The following ABCC11 variants were observed in gnomAD, a reference collection of about 807,000 sequenced individuals.
ABCC11 encodes the protein ATP binding cassette subfamily C member 11, also known as ATP-binding cassette sub-family C member 11.
In ABCC11, 135 loss-of-function variants were observed where a neutral mutation model predicts 149.3. The ratio of observed to expected loss-of-function variants is 0.90; its 90% CI spans 0.79 to 1.04. The LOEUF (loss-of-function observed/expected upper bound fraction) is 1.04, where lower values mean the gene tolerates loss of function less well. ABCC11 is among the 50% of genes least tolerant of loss of function. The probability of loss-of-function intolerance (pLI) is 0.00; values close to 1 mark genes in which losing one functional copy is unlikely to be tolerated. For synonymous variants in ABCC11, 665 were observed against 671.4 expected, an observed-to-expected ratio of 0.99 and a Z score of 0.15; for missense variants, 1,680 against 1,722.1, an observed-to-expected ratio of 0.98 and a Z score of 0.43.
Position 48,243,138 on chromosome 16 carries a change from G to C in ABCC11, c.-19+4176C>G, listed in dbSNP as rs1178832303. ...AAAATTGGACGGGCGCAGTGGCTCA[G>C]GCCTGTAATCCCAGCACTTTTGGGA... On this transcript the variant is annotated intron_variant, in intron 1 of 29. Transcript: ENST00000356608. Among the ~76,000 whole-genome samples the C allele has an allele frequency of 4.0e-5, 6 of 151,642 alleles. No homozygotes were observed. The South Asian group carries it at 1.3e-3, about 32-fold the overall frequency.
intron 18 of ABCC11, among the ~76,000 whole-genome samples, chr16:48,194,468 T>C (rs1967207791): frequency 6.6e-6 from 1 of 152,242 alleles, no homozygotes; most frequent in Non-Finnish European, 1.5e-5. Context: ...GTATGCATTA[T>C]TTCTGAATTA....
At chr16:48,193,825 C>G (rs1967134456) in intron 19 of ABCC11, 54 bp downstream of exon 19, 2 of 1,458,340 alleles carry the variant, frequency 1.4e-6, no homozygotes, top group Non-Finnish European at 1.9e-6. Flanking sequence ...CAAGAAGTCA[C>G]CCCACCTCAC....
At chr16:48,188,651 T>C (rs1966845081) in intron 20 of ABCC11, among the ~76,000 whole-genome samples, 2 of 152,188 alleles carry the variant, frequency 1.3e-5, no homozygotes, top group Admixed American at 6.5e-5. Flanking sequence ...AAACTGAAGA[T>C]TGCAGAAGAG....
intron 26 of ABCC11, 101 bp from the exon 27 acceptor site, chr16:48,171,068 A>T (rs1567471941): frequency 2.8e-6 from 3 of 1,085,394 alleles, no homozygotes; most frequent in Non-Finnish European, 4.2e-6. Flanking sequence ...GAACTGGATT[A>T]TGGGGTTTAG....
intron 22 of ABCC11, among the ~76,000 whole-genome samples, chr16:48,185,272 TAA>T (rs1370045220): frequency 6.6e-6 from 1 of 152,240 alleles, no homozygotes; most frequent in East Asian, 1.9e-4. Flanking sequence ...ACCAAGAAAT[TAA>T]AAAGTTTATT....
At chr16:48,201,474 C>CTTTTTTTTTTTT (rs560323114) in intron 14 of ABCC11, among the ~76,000 whole-genome samples, 1 of 123,456 alleles carries the variant, frequency 8.1e-6, no homozygotes, top group African/African-American at 3.1e-5. Context: ...TTTTCTTTTT[C>CTTTTTTTTTTTT]TTTTTTTTTT....
At chr16:48,230,108 T>C (rs1437813951) in intron 3 of ABCC11, among the ~76,000 whole-genome samples, 2 of 152,196 alleles carry the variant, frequency 1.3e-5, no homozygotes, top group Non-Finnish European at 2.9e-5. Context: ...CTTGTAATCA[T>C]GTCATGCACA....
At chr16:48,190,612 C>A (rs1450164530) in intron 20 of ABCC11, among the ~76,000 whole-genome samples, 1 of 152,186 alleles carries the variant, frequency 6.6e-6, no homozygotes, top group Non-Finnish European at 1.5e-5. Flanking sequence ...AATCCACTCA[C>A]CTCAGGCCTC....
At chr16:48,203,019 G>A (rs1271528993) in intron 14 of ABCC11, among the ~76,000 whole-genome samples, 2 of 152,162 alleles carry the variant, frequency 1.3e-5, no homozygotes, top group Admixed American at 1.3e-4. Flanking sequence ...GTGGGATAAG[G>A]TACCCACTTT....
chr16:48,240,146 C>T (rs1323828366), intron 1 of ABCC11, among the ~76,000 whole-genome samples: 1 of 152,180 alleles, frequency 6.6e-6, no homozygotes, highest in Non-Finnish European at 1.5e-5. Context: ...GGCAGAAATA[C>T]CATTTGACCC....
At chr16:48,240,774 T>C (rs925873905) in intron 1 of ABCC11, among the ~76,000 whole-genome samples, 3 of 151,818 alleles carry the variant, frequency 2.0e-5, no homozygotes, top group African/African-American at 4.8e-5. Context: ...AATAAATAAA[T>C]ATGAAATTAT....
Position 48,167,575 on chromosome 16 carries a change from C to A in ABCC11, c.3977G>T (p.Gly1326Val), listed in dbSNP as rs2150700629. ...GTGGGCAATGACGAGCACGGTGCAG[C>A]CCTGGAAGGCTTCACGGATTGTGCG... ...IQRTIREAFQ[G>V]CTVLVIAHRV... Residue 1326 changes from glycine to valine, a missense_variant, in exon 29 of 30, where the codon GGC becomes GTC. Coordinates refer to ENST00000356608, the MANE Select transcript of ABCC11 (RefSeq NM_001370497.1). 6.2e-7 allele frequency: 1 copy of A among 1,614,174 alleles called. No homozygotes were observed. The highest frequency in any genetic ancestry group is 2.2e-5 in the East Asian group (1 of 44,872).
At chr16:48,175,959 T>A (rs62058526) in intron 25 of ABCC11, 30,026 of 146,460 alleles carry the variant, frequency 0.21, 3,356 homozygotes, top group African/African-American at 0.3. Context: ...CCTGTTCTCA[T>A]AGTTAAGCTC....
intron 7 of ABCC11, 29 bp from the exon 8 acceptor site, chr16:48,215,373 T>G (rs1346049810): frequency 6.2e-6 from 10 of 1,603,546 alleles, no homozygotes; most frequent in Non-Finnish European, 8.5e-6. Context: ...AAGTTTGGAG[T>G]TGATCTGCAA....
rs548131721 is a variant in ABCC11, at chr16:48,216,800, C to T, written c.778-513G>A. Among the ~76,000 whole-genome samples the T allele has an allele frequency of 1.3e-4, 20 of 152,324 alleles. No individual in the cohort carries two copies. In the East Asian group the frequency reaches 3.9e-3, roughly 29 times the overall value. Reference sequence around the variant, plus strand: ...TGGAACCAGTATGGCTAACTAGAGTCTGTACAGAACCAGCTTGCTAACGTC... The same window carrying T: ...TGGAACCAGTATGGCTAACTAGAGTTTGTACAGAACCAGCTTGCTAACGTC... On this transcript the variant is annotated intron_variant, in intron 6 of 29. Coordinates refer to ENST00000356608, the MANE Select transcript of ABCC11 (RefSeq NM_001370497.1).
chr16:48,208,396 A>G lies in ABCC11; in HGVS notation c.1680+29T>C, dbSNP rs112095237. On this transcript the variant is annotated intron_variant, in intron 12 of 29. Coordinates refer to ENST00000356608, the MANE Select transcript of ABCC11 (RefSeq NM_001370497.1). ...GGGAGGGCCTGGACTGCCTGCAGAC[A>G]GGCAAGCATGTGGCCACAGATCACT... 5.2e-3 allele frequency: 8,354 copies of G among 1,613,632 alleles called. 37 individuals carry two copies. The highest frequency in any genetic ancestry group is 6.3e-3 in the Non-Finnish European group (7,428 of 1,179,656).
chr16:48,197,094 G>A (rs1158185460), intron 17 of ABCC11, among the ~76,000 whole-genome samples: 1 of 152,176 alleles, frequency 6.6e-6, no homozygotes, highest in Non-Finnish European at 1.5e-5. Context: ...GGAGGCCGAG[G>A]TGGGTGGATC....
chr16:48,223,056 C>T (rs1009034960), intron 5 of ABCC11, among the ~76,000 whole-genome samples: 5 of 152,204 alleles, frequency 3.3e-5, no homozygotes, highest in African/African-American at 9.7e-5. Flanking sequence ...TGTCCTCATC[C>T]TGACAGGAGA....
intron 12 of ABCC11, among the ~76,000 whole-genome samples, chr16:48,207,659 GAAGA>G (rs1356891813): frequency 2.7e-5 from 4 of 149,488 alleles, no homozygotes; most frequent in East Asian, 2.0e-4. Flanking sequence ...TCAAAAAAAA[GAAGA>G]AAGAAAGGAA....
Sources: gnomAD v4.1 joint callset for allele counts (sites outside exome capture counted in the v4.1 genomes callset) on GRCh38, gnomAD v4.1.1 for gene constraint, MANE v1.5 for transcripts, NCBI Gene and HGNC (gene_info 2026-07-23, HGNC 2026-07-21) for gene names.